Variants in NPC1 observed in about 807,000 individuals in gnomAD.
NPC1 encodes the protein NPC intracellular cholesterol transporter 1.
Under a neutral mutation model 140.4 loss-of-function variants are expected in NPC1, and 85 were observed. That is an observed-to-expected ratio of 0.61 (90% confidence interval 0.51 to 0.72). The LOEUF (loss-of-function observed/expected upper bound fraction) is 0.72, where lower values mean the gene tolerates loss of function less well. NPC1 is among the 30% of genes least tolerant of loss of function. NPC1 has a pLI of 0.00. For synonymous variants in NPC1, 656 were observed against 624.8 expected, an observed-to-expected ratio of 1.05 and a Z score of -0.74; for missense variants, 1,504 against 1,623.8, an observed-to-expected ratio of 0.93 and a Z score of 1.27.
chr18:23,513,996 TC>T (rs1400031571), intron 3 of NPC1, among the ~76,000 whole-genome samples: 1 of 152,246 alleles, frequency 6.6e-6, no homozygotes, highest in Admixed American at 6.5e-5. Context: ...GTGGATTGTG[TC>T]CTTTGATGTA....
intron 1 of NPC1, among the ~76,000 whole-genome samples, chr18:23,577,421 C>G (rs1024376470): frequency 7.3e-5 from 11 of 151,468 alleles, no homozygotes; most frequent in African/African-American, 1.2e-4. Flanking sequence ...CACGTCCTCA[C>G]CAGAGCAGCT....
At chr18:23,572,267 A>G in intron 2 of NPC1, 87 bp from the exon 3 acceptor site, 1 of 861,086 alleles carries the variant, frequency 1.2e-6, no homozygotes, top group Non-Finnish European at 2.0e-6. Context: ...ACATTCATTC[A>G]TGTAATCCTT....
At chr18:23,507,446 A>G (rs926151726) in intron 3 of NPC1, among the ~76,000 whole-genome samples, 7 of 152,196 alleles carry the variant, frequency 4.6e-5, no homozygotes, top group African/African-American at 1.7e-4. Flanking sequence ...TGATAGCAGC[A>G]TAGAATATGT....
Position 23,540,434 on chromosome 18 carries a change from G to T in NPC1, c.2604+14C>A. 1 of 1,432,038 alleles carries T rather than the reference G, an allele frequency of 7.0e-7. No individual in the cohort carries two copies. Among genetic ancestry groups the T allele is most frequent in the Non-Finnish European group, 9.7e-7 (1 of 1,033,926 alleles). 88.7% of individuals were successfully genotyped at this position (1,432,038 alleles called of 1,614,324 possible). On this transcript the variant is annotated intron_variant, in intron 17 of 24. Coordinates refer to ENST00000269228, the MANE Select transcript of NPC1 (RefSeq NM_000271.5). Reference sequence around the variant, plus strand: ...AAAGAAGTTAAAAAAAAAAAAAAAAGGAAGTCATCTTACATCTGGCATCGA... The same window carrying T: ...AAAGAAGTTAAAAAAAAAAAAAAAATGAAGTCATCTTACATCTGGCATCGA...
At chr18:23,508,105 A>G in intron 3 of NPC1, 1 of 1,463,420 alleles carries the variant, frequency 6.8e-7, no homozygotes, top group Non-Finnish European at 9.2e-7. Flanking sequence ...TATGTAGTGG[A>G]GAGCGGGGCA....
At chr18:23,533,015 G>A in intron 24 of NPC1, 2 of 895,834 alleles carry the variant, frequency 2.2e-6, no homozygotes, top group Non-Finnish European at 2.7e-6. Context: ...TGGTGTGAGA[G>A]CTGGCTGCCA....
chr18:23,517,547 C>A (rs1252463196), downstream of NPC1, among the ~76,000 whole-genome samples: 1 of 152,136 alleles, frequency 6.6e-6, no homozygotes, highest in East Asian at 1.9e-4. Context: ...AAAAGAACCC[C>A]TGTATGCCTG....
chr18:23,514,376 G>C (rs548294889), intron 3 of NPC1, among the ~76,000 whole-genome samples: 1 of 152,120 alleles, frequency 6.6e-6, no homozygotes, highest in East Asian at 1.9e-4. Flanking sequence ...ACTAAGTGCC[G>C]TCTCTACTGT....
At chr18:23,534,358 G>C in intron 23 of NPC1, 88 bp downstream of exon 23, 1 of 907,476 alleles carries the variant, frequency 1.1e-6, no homozygotes, top group South Asian at 1.4e-5. Context: ...AAGCTGCTTT[G>C]TAAGTACAGG....
intron 3 of NPC1, among the ~76,000 whole-genome samples, chr18:23,514,373 G>A (rs2057943332): frequency 6.6e-6 from 1 of 152,146 alleles, no homozygotes; most frequent in Admixed American, 6.5e-5. Context: ...TTTACTAAGT[G>A]CCGTCTCTAC....
At chr18:23,547,497 T>C (rs2058805710) in intron 11 of NPC1, among the ~76,000 whole-genome samples, 1 of 152,156 alleles carries the variant, frequency 6.6e-6, no homozygotes, top group Non-Finnish European at 1.5e-5. Context: ...TCCCGGCACT[T>C]TGGGAGGCCG....
intron 1 of NPC1, chr18:23,576,470 CA>C (rs1203072536): frequency 1.0e-6 from 1 of 986,054 alleles, no homozygotes; most frequent in Non-Finnish European, 1.2e-6. Context: ...CAGCAGGACC[CA>C]AAGACTTACA....
At chr18:23,561,633 A>C in intron 4 of NPC1, 106 bp from the exon 5 acceptor site, 1 of 1,102,726 alleles carries the variant, frequency 9.1e-7, no homozygotes, top group Non-Finnish European at 1.4e-6. Flanking sequence ...CTCCATATGC[A>C]CCATGCTGGA....
At chr18:23,569,438 T>G (rs757664866) in intron 3 of NPC1, among the ~76,000 whole-genome samples, 1 of 152,140 alleles carries the variant, frequency 6.6e-6, no homozygotes, top group Non-Finnish European at 1.5e-5. Flanking sequence ...TCCTCCCACC[T>G]CAGCCTCCCA....
At chr18:23,530,108 C>T (rs770128963), downstream of NPC1, 6 of 1,614,190 alleles carry the variant, frequency 3.7e-6, no homozygotes, top group Admixed American at 1.7e-5. Flanking sequence ...TGCAGTACCA[C>T]GTCCTCAGCG....
chr18:23,576,951 T>C (rs370233480), intron 1 of NPC1: 6 of 152,540 alleles, frequency 3.9e-5, no homozygotes, highest in African/African-American at 1.4e-4. Context: ...GGGTTGCTAA[T>C]GCTGGCTTGG....
At chr18:23,577,578 C>T (rs987649080) in intron 1 of NPC1, among the ~76,000 whole-genome samples, 1 of 152,208 alleles carries the variant, frequency 6.6e-6, no homozygotes, top group African/African-American at 2.4e-5. Flanking sequence ...CTAGTGGATC[C>T]CGCACCGGGG....
rs754920859 is a variant in NPC1, at chr18:23,573,468, C to G, written c.164G>C (p.Gly55Ala). The change falls in exon 2 of 25, where the codon GGA becomes GCA. Residue 55 changes from glycine to alanine, a missense_variant. Coordinates refer to ENST00000269228, the MANE Select transcript of NPC1 (RefSeq NM_000271.5). ...TGAACTTACCTGCACTAAGTCATATCCATCCTTTGGCAATGGTTTTGGTGG... is the reference window on the plus strand; with the variant it reads ...TGAACTTACCTGCACTAAGTCATATGCATCCTTTGGCAATGGTTTTGGTGG... ...SGPPKPLPKD[G>A]YDLVQELCPG... 1 of 1,614,200 alleles carries G rather than the reference C, an allele frequency of 6.2e-7. No individual in the cohort carries two copies. The highest frequency in any genetic ancestry group is 2.2e-5 in the East Asian group (1 of 44,884).
intron 6 of NPC1, 109 bp downstream of exon 6, chr18:23,560,122 G>A: frequency 1.6e-6 from 2 of 1,286,904 alleles, no homozygotes; most frequent in Non-Finnish European, 2.2e-6. Flanking sequence ...GGTATTCATG[G>A]AGGTATTTGT....
Sources: allele counts gnomAD v4.1 joint callset (sites outside exome capture counted in the v4.1 genomes callset), GRCh38; gene constraint gnomAD v4.1.1; transcripts MANE v1.5; gene names NCBI Gene and HGNC (gene_info 2026-07-23, HGNC 2026-07-21).